Variants in TRIP12 observed in about 807,000 individuals in gnomAD.
The protein encoded by TRIP12 is thyroid hormone receptor interactor 12, also known as E3 ubiquitin-protein ligase TRIP12.
In TRIP12, 25 loss-of-function variants were observed where a neutral mutation model predicts 244.2. The observed-to-expected ratio is 0.10, with a 90% CI of 0.07 to 0.14. The LOEUF (loss-of-function observed/expected upper bound fraction) is 0.14. Ranked by LOEUF, TRIP12 falls within the 10% of genes least tolerant of loss-of-function variation. TRIP12 has a pLI of 1.00. For synonymous variants in TRIP12, 905 were observed against 873.1 expected (o/e 1.04, Z -0.64); for missense variants, 1,677 against 2,486.4 (o/e 0.67, Z 6.92).
rs2047151320 is a variant in TRIP12 at position 229,811,142 on chromosome 2, A to G, written c.2049T>C (p.His683=). The G allele has an allele frequency of 6.2e-7, 1 of 1,614,082 alleles. No individual in the cohort carries two copies. The highest frequency in any genetic ancestry group is 1.7e-5 in the Admixed American group (1 of 60,026). ...CCAAAGACTAAACACTTACCTCCTC[A>G]TGCTGGAAGTTGTCCACTAGGCGTG... ...CFARLVDNFQ[H]EENLLQQVAS... Residue 683 remains histidine (H), a synonymous_variant, in exon 14 of 42, where the codon CAT becomes CAC. Coordinates refer to ENST00000675903, the MANE Select transcript of TRIP12 (RefSeq NM_001348323.3).
At chr2:229,906,407 A>G (rs1577026732) in intron 1 of TRIP12, among the ~76,000 whole-genome samples, 2 of 151,662 alleles carry the variant, frequency 1.3e-5, no homozygotes, top group African/African-American at 4.8e-5. Context: ...AAAATAAATA[A>G]AAGACTTCCA....
At chr2:229,851,813 C>T (rs940951647) in intron 4 of TRIP12, among the ~76,000 whole-genome samples, 16 of 152,088 alleles carry the variant, frequency 1.1e-4, no homozygotes, top group Non-Finnish European at 2.1e-4. Context: ...GAAGAAACTC[C>T]AAACACATCC....
intron 5 of TRIP12, among the ~76,000 whole-genome samples, chr2:229,837,979 A>C (rs924393040): frequency 5.9e-5 from 9 of 152,322 alleles, no homozygotes; most frequent in African/African-American, 2.2e-4. Context: ...TACTTCCCCC[A>C]AAATTATTCA....
At chr2:229,782,053 A>T (rs901772602) in intron 34 of TRIP12, among the ~76,000 whole-genome samples, 1 of 152,192 alleles carries the variant, frequency 6.6e-6, no homozygotes, top group Admixed American at 6.5e-5. Flanking sequence ...GAGAGGAAAG[A>T]TATTTCCTGG....
At chr2:229,835,869 T>C (rs1248653880) in intron 6 of TRIP12, among the ~76,000 whole-genome samples, 1 of 152,188 alleles carries the variant, frequency 6.6e-6, no homozygotes, top group Non-Finnish European at 1.5e-5. Context: ...TGCAATTAAA[T>C]GGACTTTCCA....
rs890456908 is a variant in TRIP12, at chr2:229,764,827, TAA to T, written c.*2725_*2726del. The T allele has an allele frequency of 3.9e-5, 6 of 152,180 alleles. No homozygotes were observed. Among genetic ancestry groups the T allele is most frequent in the Admixed American group, 1.3e-4 (2 of 15,280 alleles). 9.4% of individuals were successfully genotyped at this position (152,180 alleles called of 1,614,324 possible). ...TGTTATGCACCTAACTCAAACCCAG[TAA>T]AGAGGGACTCCAAGCATAATTACTT... On this transcript the variant is annotated 3_prime_UTR_variant, in exon 42 of 42. Coordinates refer to ENST00000675903, the MANE Select transcript of TRIP12 (RefSeq NM_001348323.3).
intron 21 of TRIP12, among the ~76,000 whole-genome samples, chr2:229,799,631 C>A (rs535356889): frequency 6.6e-6 from 1 of 151,894 alleles, no homozygotes; most frequent in South Asian, 2.1e-4. Flanking sequence ...AAAAATTAGC[C>A]GGGCGTGGTG....
intron 8 of TRIP12, among the ~76,000 whole-genome samples, chr2:229,828,638 G>A (rs1201727251): frequency 1.3e-5 from 2 of 151,988 alleles, no homozygotes; most frequent in Admixed American, 1.3e-4. Flanking sequence ...GGGCTTGATG[G>A]CACACACCTG....
At chr2:229,904,859 C>T (rs554964026) in intron 1 of TRIP12, among the ~76,000 whole-genome samples, 11 of 152,148 alleles carry the variant, frequency 7.2e-5, no homozygotes, top group Non-Finnish European at 1.3e-4. Context: ...AATACTGGGT[C>T]ATTAGTTGTG....
intron 2 of TRIP12, among the ~76,000 whole-genome samples, chr2:229,875,849 T>G (rs940490243): frequency 1.3e-5 from 2 of 152,168 alleles, no homozygotes; most frequent in African/African-American, 2.4e-5. Context: ...ACGAGTCACA[T>G]GAAGAGAATA....
intron 23 of TRIP12, 143 bp downstream of exon 23, chr2:229,798,732 C>A: frequency 1.1e-6 from 1 of 916,744 alleles, no homozygotes; most frequent in East Asian, 2.6e-5. Flanking sequence ...GAGAAACTAC[C>A]TAATTCTTGA....
At chr2:229,769,496 G>C (rs936257401) in intron 39 of TRIP12, among the ~76,000 whole-genome samples, 171 bp from the exon 40 acceptor site, 19 of 151,272 alleles carry the variant, frequency 1.3e-4, no homozygotes, top group African/African-American at 4.6e-4. Flanking sequence ...ATAAAATTTA[G>C]AGATTCCATT....
intron 4 of TRIP12, among the ~76,000 whole-genome samples, chr2:229,847,342 T>A (rs2057771497): frequency 6.6e-6 from 1 of 152,206 alleles, no homozygotes; most frequent in African/African-American, 2.4e-5. Context: ...CCTGGCCACA[T>A]AACAGGCACT....
At chr2:229,898,739 T>C (rs2069679180) in intron 1 of TRIP12, among the ~76,000 whole-genome samples, 1 of 152,214 alleles carries the variant, frequency 6.6e-6, no homozygotes, top group Admixed American at 6.5e-5. Flanking sequence ...CCACCAAGGC[T>C]GGAGTGCAGT....
chr2:229,809,721 G>A (rs531596639), intron 15 of TRIP12, among the ~76,000 whole-genome samples: 7 of 152,048 alleles, frequency 4.6e-5, no homozygotes, highest in South Asian at 4.2e-4. Flanking sequence ...TCAAAATAGG[G>A]TTGTCTGGAA....
At chr2:229,791,394 C>T (rs1274114786) in intron 29 of TRIP12, 143 bp from the exon 30 acceptor site, 1 of 1,016,116 alleles carries the variant, frequency 9.8e-7, no homozygotes, top group Non-Finnish European at 1.4e-6. Flanking sequence ...ATCTGGAGAA[C>T]TTCTTAGAAG....
At chr2:229,881,755 A>G (rs927131027) in intron 1 of TRIP12, among the ~76,000 whole-genome samples, 3 of 152,216 alleles carry the variant, frequency 2.0e-5, no homozygotes, top group Admixed American at 6.5e-5. Flanking sequence ...AAAGATATGA[A>G]ACTCTCATTT....
chr2:229,865,368 C>G (rs2061359975), intron 2 of TRIP12, among the ~76,000 whole-genome samples: 1 of 143,452 alleles, frequency 7.0e-6, no homozygotes, highest in Non-Finnish European at 1.5e-5. Context: ...AAAATGCTGT[C>G]TCAATGTTAG....
chr2:229,829,409 C>T (rs2052681509), intron 7 of TRIP12, 121 bp from the exon 8 acceptor site: 1 of 750,576 alleles, frequency 1.3e-6, no homozygotes, highest in Non-Finnish European at 2.1e-6. Flanking sequence ...ACTTTGCTTT[C>T]TGGACTTTTA....
Sources: gnomAD v4.1 joint callset for allele counts (sites outside exome capture counted in the v4.1 genomes callset) on GRCh38, gnomAD v4.1.1 for gene constraint, MANE v1.5 for transcripts, NCBI Gene and HGNC (gene_info 2026-07-23, HGNC 2026-07-21) for gene names.